APOB: variants seen among roughly 807,000 people sequenced by gnomAD.
APOB encodes apolipoprotein B-100.
APOB carries 153 observed loss-of-function variants against 314.1 expected under a neutral mutation model. The ratio of observed to expected loss-of-function variants is 0.49; its 90% CI spans 0.43 to 0.56. The LOEUF (loss-of-function observed/expected upper bound fraction) is 0.56. Among genes scored for constraint, APOB ranks in the 20% least tolerant of loss-of-function variants. The pLI is 0.00. For synonymous variants in APOB, 2,087 were observed against 2,036.4 expected, an observed-to-expected ratio of 1.02 and a Z score of -0.67; for missense variants, 5,430 against 5,350.7, an observed-to-expected ratio of 1.01 and a Z score of -0.46.
chr2:21,019,129 T>A lies in APOB; in HGVS notation c.3000-16A>T. On this transcript the variant is annotated splice_polypyrimidine_tract_variant and intron_variant, in intron 19 of 28. Coordinates refer to ENST00000233242, the MANE Select transcript of APOB (RefSeq NM_000384.3). ...CAGCTCTAATCTAAAGACATTACAA[T>A]GAAGACAGTGCATAATGTTAGAGCT... The A allele has an allele frequency of 6.2e-7, 1 of 1,614,018 alleles. No homozygotes were observed. The highest frequency in any genetic ancestry group is 8.5e-7 in the Non-Finnish European group (1 of 1,179,964).
Position 21,028,301 on chromosome 2 carries a change from A to G in APOB, c.1829+26T>C, listed in dbSNP as rs376935548. On this transcript the variant is annotated intron_variant, in intron 13 of 28. Transcript: ENST00000233242. ...ATTCCAGCTCAGGGCCCTCAGTGGT[A>G]TATGGGGTGAATAGCTCTTACTTAC... 4.3e-4 allele frequency: 683 copies of G among 1,576,372 alleles called. 4 individuals carry two copies. Among genetic ancestry groups the G allele is most frequent in the Admixed American group, 4.7e-4 (28 of 59,946 alleles).
At position 21,043,882 on chromosome 2, in the gene APOB, G is replaced by A. The variant is rs1431279862; in HGVS notation, c.64C>T (p.Leu22=). Residue 22 remains leucine, a synonymous_variant, in exon 1 of 29, where the codon CTG becomes TTG. Transcript: ENST00000233242. ...CACTCACCGGCCCTGGCGCCCGCCA[G>A]CAGCAGCAGCAGCAGCGCAGGCAGC... The part of the protein sequence containing the change: ...LALPALLLLL[L]AGARAEEEML... 1.6e-6 allele frequency: 2 copies of A among 1,263,330 alleles called. No individual in the cohort carries two copies. Among genetic ancestry groups the A allele is most frequent in the East Asian group, 3.2e-5 (1 of 30,810 alleles). 78.3% of individuals were successfully genotyped at this position (1,263,330 alleles called of 1,614,324 possible). A position where few individuals can be genotyped will look rare whatever the true frequency, so the allele number is the denominator to read the frequency against.
chr2:21,007,114 T>A lies in APOB; in HGVS notation c.9754A>T (p.Thr3252Ser). The change falls in exon 26 of 29, where the codon ACT (threonine) becomes TCT (serine). Residue 3252 changes from threonine to serine, a missense_variant. Physicochemically the swap from Thr to Ser is moderately conservative, Grantham distance 58 (BLOSUM62 1). Transcript: ENST00000233242. ...ACTTCAACATTGACAACTGGAACAG[T>A]GTATCCAGGAATTTGAAAGGTCCTG... ...LPRTFQIPGY[T>S]VPVVNVEVSP... 1 of 1,613,982 alleles carries A rather than the reference T, an allele frequency of 6.2e-7. No homozygotes were observed. Among genetic ancestry groups the A allele is most frequent in the Non-Finnish European group, 8.5e-7 (1 of 1,179,912 alleles).
rs145269223 is a variant in APOB, at chr2:21,004,332, G to A, written c.12024C>T (p.Thr4008=). Residue 4008 remains threonine (T), a synonymous_variant, in exon 28 of 29, where the codon ACC becomes ACT. Transcript: ENST00000233242. ...CATCTTCATCCATATCCATGCCCAC[G>A]GTGCCTACGGCTGGGGAGGCTGCTG... ...STSAASPAVG[T]VGMDMDEDDD... The A allele has an allele frequency of 2.0e-5, 32 of 1,613,786 alleles. No homozygotes were observed. Among genetic ancestry groups the A allele is most frequent in the Non-Finnish European group, 2.4e-5 (28 of 1,179,910 alleles).
intron 3 of APOB, 140 bp downstream of exon 3, chr2:21,042,221 G>C (rs1664147771): frequency 2.7e-6 from 2 of 750,078 alleles, no homozygotes; most frequent in Non-Finnish European, 4.8e-6. Flanking sequence ...CCAGTGCTTT[G>C]ATCAGATTAC....
At position 21,023,538 on chromosome 2, in the gene APOB, A is replaced by T. The variant is rs566674173; in HGVS notation, c.2591T>A (p.Leu864Gln). The change falls in exon 17 of 29, where the codon CTG becomes CAG. Residue 864 changes from leucine (L) to glutamine (Q), a missense_variant. Leu to Gln is a moderately radical substitution (Grantham distance 113, BLOSUM62 -2). Coordinates refer to ENST00000233242, the MANE Select transcript of APOB (RefSeq NM_000384.3). The part of the protein sequence containing the change: ...IAPGAKAGVK[L>Q]EVANMQAELV... ...ACAGAATCTTACGTTGGCTACTTCCAGTTTTACTCCAGCCTTGGCTCCGGG... is the reference window on the plus strand; with the variant it reads ...ACAGAATCTTACGTTGGCTACTTCCTGTTTTACTCCAGCCTTGGCTCCGGG... The T allele has an allele frequency of 1.2e-6, 2 of 1,614,236 alleles. No homozygotes were observed. Among genetic ancestry groups the T allele is most frequent in the South Asian group, 2.2e-5 (2 of 91,086 alleles).
chr2:21,005,227 G>A lies in APOB; in HGVS notation c.11641C>T (p.Gln3881Ter), dbSNP rs368893377. 6.2e-7 allele frequency: 1 copy of A among 1,614,084 alleles called. No homozygotes were observed. The highest frequency in any genetic ancestry group is 8.5e-7 in the Non-Finnish European group (1 of 1,179,970). The change falls in exon 26 of 29, where the codon CAA (glutamine) becomes TAA (stop). Residue 3881 changes from glutamine to a stop codon, truncating the protein, a stop_gained. Coordinates refer to ENST00000233242, the MANE Select transcript of APOB (RefSeq NM_000384.3). LOFTEE classifies it high-confidence loss of function. ...ACCTCAAAGCGTGCAGTCAGTGCTT[G>A]AAAGGAAGGAATGACAATTCCAGCA... ...VPAGIVIPSF[Q>*]ALTARFEVDS... is the part of the protein sequence containing the mutation.
Position 21,002,765 on chromosome 2 carries a change from C to A in APOB, c.12657G>T (p.Met4219Ile). Residue 4219 changes from methionine (M) to isoleucine (I), a missense_variant, in exon 29 of 29, where the codon ATG becomes ATT. Around this residue, in one of 3 missense-constraint regions of APOB, gnomAD observed 3,281 missense variants for 3,171.0 expected, o/e 1.03. Coordinates refer to ENST00000233242, the MANE Select transcript of APOB (RefSeq NM_000384.3). ...GTACCGTCCCTACCTCCCTTATGAA[C>A]ATAGTGCAAAGTTCCTCCCTAGTGT... ...GIYTREELCTMFIREVGTVLS... is the reference protein window; with the variant it reads ...GIYTREELCTIFIREVGTVLS... The A allele has an allele frequency of 6.2e-7, 1 of 1,608,466 alleles. No homozygotes were observed. The highest frequency in any genetic ancestry group is 2.2e-5 in the East Asian group (1 of 44,788).
rs746268646 is a variant in APOB at position 21,022,898 on chromosome 2, G to C, written c.2749C>G (p.Leu917Val). 6.2e-7 allele frequency: 1 copy of C among 1,614,126 alleles called. No homozygotes were observed. Among genetic ancestry groups the C allele is most frequent in the Non-Finnish European group, 8.5e-7 (1 of 1,180,024 alleles). ...HESGLEAHVA[L>V]KAGKLKFIIP... ...ATAAACTTCAGCTTCCCAGCTTTTA[G>C]GGCAACATGAGCCTCCAGACCCGAC... The change falls in exon 18 of 29, where the codon CTA becomes GTA. Residue 917 changes from leucine to valine, a missense_variant. Leu to Val is a conservative substitution (Grantham distance 32). Coordinates refer to ENST00000233242, the MANE Select transcript of APOB (RefSeq NM_000384.3).
rs760054623 is a variant in APOB at position 21,032,494 on chromosome 2, G to T, written c.1212C>A (p.Asn404Lys). The T allele has an allele frequency of 3.7e-6, 6 of 1,614,228 alleles. No homozygotes were observed. The highest frequency in any genetic ancestry group is 5.1e-6 in the Non-Finnish European group (6 of 1,180,034). The change falls in exon 10 of 29, where the codon AAC becomes AAA. Residue 404 changes from asparagine (N) to lysine (K), a missense_variant. Around this residue, in one of 3 missense-constraint regions of APOB, gnomAD observed 2,085 missense variants for 2,079.7 expected, o/e 1.00. Transcript: ENST00000233242. The part of the protein sequence containing the change: ...ILQWLKRVHA[N>K]PLLIDVVTYL... Reference sequence around the variant, plus strand: ...AGGTGACCACATCTATCAGAAGGGGGTTGGCATGCACACGTTTCAGCCACT... The same window carrying T: ...AGGTGACCACATCTATCAGAAGGGGTTTGGCATGCACACGTTTCAGCCACT...
At position 21,007,616 on chromosome 2, in the gene APOB, T is replaced by G; in HGVS notation, c.9252A>C (p.Gln3084His). 6.2e-7 allele frequency: 1 copy of G among 1,614,114 alleles called. No individual in the cohort carries two copies. Among genetic ancestry groups the G allele is most frequent in the Non-Finnish European group, 8.5e-7 (1 of 1,179,954 alleles). Reference protein sequence around the residue: ...YALFLSPSAQQASWQVSARFN... With the variant: ...YALFLSPSAQHASWQVSARFN... ...ACCTAGCACTTACTTGCCAACTTGC[T>G]TGCTGGGCACTGGGACTCAGAAACA... Residue 3084 changes from glutamine to histidine, a missense_variant, in exon 26 of 29, where the codon CAA becomes CAC. This residue lies in a region of APOB where 3,281 missense variants were observed against 3,171.0 expected (regional missense o/e 1.03). Transcript: ENST00000233242.
chr2:21,013,617 T>C (rs906479244), intron 24 of APOB, 84 bp from the exon 25 acceptor site: 10 of 1,582,666 alleles, frequency 6.3e-6, no homozygotes, highest in Non-Finnish European at 8.7e-6. Context: ...ACAACAATAT[T>C]GTACTTGCCC....
At position 21,011,947 on chromosome 2, in the gene APOB, G is replaced by A. The variant is rs758990701; in HGVS notation, c.4921C>T (p.His1641Tyr). Residue 1641 changes from histidine to tyrosine, a missense_variant, in exon 26 of 29, where the codon CAC (histidine) becomes TAC (tyrosine). This residue lies in a region of APOB where 2,085 missense variants were observed against 2,079.7 expected (regional missense o/e 1.00). Coordinates refer to ENST00000233242, the MANE Select transcript of APOB (RefSeq NM_000384.3). Reference sequence around the variant, plus strand: ...TGGCCAATCCTTAGTGTCGCCTTGTGAGCACCACTATTAATTTTGTCAGTG... The same window carrying A: ...TGGCCAATCCTTAGTGTCGCCTTGTAAGCACCACTATTAATTTTGTCAGTG... The part of the protein sequence containing the change: ...LGTDKINSGA[H>Y]KATLRIGQDG... The A allele has an allele frequency of 6.2e-7, 1 of 1,614,012 alleles. No homozygotes were observed. The highest frequency in any genetic ancestry group is 1.3e-5 in the African/African-American group (1 of 75,024).
chr2:21,016,710 T>A (rs564493623), intron 20 of APOB, 61 bp from the exon 21 acceptor site: 33 of 1,150,346 alleles, frequency 2.9e-5, no homozygotes, highest in Middle Eastern at 1.9e-4. Context: ...TTGGGCCGGG[T>A]GCGGTGGCTC....
intron 10 of APOB, among the ~76,000 whole-genome samples, chr2:21,030,470 T>C (rs1271901831): frequency 6.6e-6 from 1 of 152,144 alleles, no homozygotes; most frequent in Non-Finnish European, 1.5e-5. Flanking sequence ...ATCAAAGACT[T>C]AAATATAAGA....
chr2:21,004,435 G>A lies in APOB; in HGVS notation c.11921C>T (p.Ala3974Val), dbSNP rs762783264. ...CGCTGGGCTTTTGATATTGAGGTGC[G>A]CTTTTCCTTCCCATTCCCTGAAAGC... ...YEGLQEWEGK[A>V]HLNIKSPAFT... Residue 3974 changes from alanine to valine, a missense_variant, in exon 28 of 29, where the codon GCG (alanine) becomes GTG (valine). Around this residue, in one of 3 missense-constraint regions of APOB, gnomAD observed 3,281 missense variants for 3,171.0 expected, o/e 1.03. Coordinates refer to ENST00000233242, the MANE Select transcript of APOB (RefSeq NM_000384.3). 9 of 1,613,838 alleles carry A rather than the reference G, an allele frequency of 5.6e-6. No homozygotes were observed. Among genetic ancestry groups the A allele is most frequent in the African/African-American group, 4.0e-5 (3 of 74,876 alleles).
Position 21,019,924 on chromosome 2 carries a change from A to C in APOB, c.2817-19T>G, listed in dbSNP as rs72653069. On this transcript the variant is annotated intron_variant, in intron 18 of 28. Transcript: ENST00000233242. ...TGTGTTGCTGGTGAAGAACAAAAATACCTGAGTTATTGCCAAGTCATGAAT... is the reference window on the plus strand; with the variant it reads ...TGTGTTGCTGGTGAAGAACAAAAATCCCTGAGTTATTGCCAAGTCATGAAT... The C allele has an allele frequency of 7.2e-4, 1,167 of 1,613,428 alleles. 10 individuals carry two copies. The Middle Eastern group carries it at 8.9e-3, about 12-fold the overall frequency.
chr2:21,020,238 T>C (rs1663574408), intron 18 of APOB, among the ~76,000 whole-genome samples: 1 of 152,184 alleles, frequency 6.6e-6, no homozygotes, highest in African/African-American at 2.4e-5. Flanking sequence ...TGCCCCTTCC[T>C]TCCTACAATG....
Position 21,037,960 on chromosome 2 carries a change from G to T in APOB, c.535C>A (p.Leu179Met), listed in dbSNP as rs775918424. The change falls in exon 5 of 29, where the codon CTG becomes ATG. Residue 179 changes from leucine (L) to methionine (M), a missense_variant and splice_region_variant. Physicochemically the swap from Leu to Met is conservative, Grantham distance 15. Around this residue, in one of 3 missense-constraint regions of APOB, gnomAD observed 2,085 missense variants for 2,079.7 expected, o/e 1.00. Transcript: ENST00000233242. ...ETEEAKQVLF[L>M]DTVYGNCSTH... ...CTATCAGCTTTCTAAATCCTCACCA[G>T]AAACAACACTTGCTTGGCTTCTTCT... The T allele has an allele frequency of 6.2e-7, 1 of 1,614,210 alleles. No individual in the cohort carries two copies. Among genetic ancestry groups the T allele is most frequent in the South Asian group, 1.1e-5 (1 of 91,078 alleles).
Sources: gnomAD v4.1 joint callset for allele counts (sites outside exome capture counted in the v4.1 genomes callset) on GRCh38, gnomAD v4.1.1 for gene constraint, gnomAD v4.1.1 regional missense constraint, MANE v1.5 for transcripts, NCBI Gene and HGNC (gene_info 2026-07-23, HGNC 2026-07-21) for gene names.